CNTNAP2: variants seen among roughly 807,000 people sequenced by gnomAD.
CNTNAP2 encodes contactin associated protein 2.
CNTNAP2 carries 98 observed loss-of-function variants against 155.2 expected under a neutral mutation model. The ratio of observed to expected loss-of-function variants is 0.63; its 90% CI spans 0.54 to 0.75. CNTNAP2 has a LOEUF of 0.75. CNTNAP2 is among the 30% of genes least tolerant of loss of function. CNTNAP2 has a pLI of 0.00. For missense variants in CNTNAP2, 1,727 were observed against 1,688.1 expected (o/e 1.02, Z -0.40); for synonymous variants, 651 against 631.2 (o/e 1.03, Z -0.47).
chr7:147,355,736 A>T (rs1225809227), intron 9 of CNTNAP2, among the ~76,000 whole-genome samples: 1 of 152,164 alleles, frequency 6.6e-6, no homozygotes, highest in African/African-American at 2.4e-5. Context: ...AGACTAAACC[A>T]GGAAGAAGTC....
At chr7:147,730,195 A>G (rs536339836) in intron 13 of CNTNAP2, among the ~76,000 whole-genome samples, 54 of 152,226 alleles carry the variant, frequency 3.5e-4, no homozygotes, top group African/African-American at 1.2e-3. Flanking sequence ...CAAATGTTCC[A>G]AGATCTTGAA....
intron 13 of CNTNAP2, among the ~76,000 whole-genome samples, chr7:147,675,764 T>G (rs1437901172): frequency 1.3e-5 from 2 of 152,026 alleles, no homozygotes; most frequent in Non-Finnish European, 2.9e-5. Context: ...TGGGCATGTA[T>G]TTTAGAGGGA....
intron 12 of CNTNAP2, among the ~76,000 whole-genome samples, chr7:147,614,027 G>A (rs561839070): frequency 6.6e-6 from 1 of 152,140 alleles, no homozygotes; most frequent in South Asian, 2.1e-4. Flanking sequence ...TCTGACAACA[G>A]GTTGCATTTA....
At chr7:148,295,683 G>A (rs780436108) in intron 21 of CNTNAP2, among the ~76,000 whole-genome samples, 5 of 150,980 alleles carry the variant, frequency 3.3e-5, no homozygotes, top group Non-Finnish European at 7.4e-5. Context: ...AGTAGAGACA[G>A]GGTTTCACCG....
At chr7:147,332,731 G>A (rs1372154192) in intron 9 of CNTNAP2, among the ~76,000 whole-genome samples, 1 of 151,970 alleles carries the variant, frequency 6.6e-6, no homozygotes, top group South Asian at 2.1e-4. Flanking sequence ...CTGTGGTAGT[G>A]CACACCTGTA....
At chr7:146,384,603 A>G (rs1361025771) in intron 1 of CNTNAP2, among the ~76,000 whole-genome samples, 1 of 152,170 alleles carries the variant, frequency 6.6e-6, no homozygotes, top group African/African-American at 2.4e-5. Flanking sequence ...TGTCTTTTTG[A>G]ATCAAGTATC....
At chr7:147,232,172 G>A (rs1228214613) in intron 8 of CNTNAP2, among the ~76,000 whole-genome samples, 1 of 152,168 alleles carries the variant, frequency 6.6e-6, no homozygotes, top group Non-Finnish European at 1.5e-5. Context: ...GAAAGAAATT[G>A]AAGAAGGCAC....
intron 13 of CNTNAP2, among the ~76,000 whole-genome samples, chr7:147,695,647 C>T (rs1451590383): frequency 6.6e-6 from 1 of 151,836 alleles, no homozygotes; most frequent in South Asian, 2.1e-4. Flanking sequence ...ACTGAAAATA[C>T]AAAAAATAGC....
intron 1 of CNTNAP2, among the ~76,000 whole-genome samples, chr7:146,466,661 A>T (rs957949844): frequency 6.6e-6 from 1 of 152,204 alleles, no homozygotes; most frequent in African/African-American, 2.4e-5. Context: ...AATTTATAGC[A>T]TAATAAAAGA....
intron 13 of CNTNAP2, among the ~76,000 whole-genome samples, chr7:147,840,503 G>A (rs547541545): frequency 1.1e-4 from 17 of 152,086 alleles, no homozygotes; most frequent in African/African-American, 3.1e-4. Flanking sequence ...AGGGAGATAG[G>A]AGAGAAAGTA....
At chr7:147,818,008 T>C (rs1798302232) in intron 13 of CNTNAP2, among the ~76,000 whole-genome samples, 1 of 152,100 alleles carries the variant, frequency 6.6e-6, no homozygotes, top group South Asian at 2.1e-4. Context: ...GGATTCATTA[T>C]ATCATCTTTT....
At chr7:146,422,336 C>T (rs918669330) in intron 1 of CNTNAP2, among the ~76,000 whole-genome samples, 1 of 145,572 alleles carries the variant, frequency 6.9e-6, no homozygotes, top group East Asian at 2.0e-4. Flanking sequence ...AATATATATA[C>T]ATATATGTAT....
intron 4 of CNTNAP2, among the ~76,000 whole-genome samples, chr7:147,069,434 G>T (rs1021291496): frequency 1.3e-4 from 20 of 152,138 alleles, no homozygotes; most frequent in African/African-American, 4.6e-4. Flanking sequence ...CAGGTCACCT[G>T]TCCCAGAGGC....
At chr7:147,725,640 A>T in intron 13 of CNTNAP2, among the ~76,000 whole-genome samples, 1 of 152,074 alleles carries the variant, frequency 6.6e-6, no homozygotes, top group East Asian at 1.9e-4. Context: ...TCTGGTGTCA[A>T]CTGTGAACGT....
At chr7:147,014,281 T>C (rs1458601305) in intron 3 of CNTNAP2, among the ~76,000 whole-genome samples, 6 of 152,262 alleles carry the variant, frequency 3.9e-5, no homozygotes, top group African/African-American at 1.4e-4. Context: ...TAGGTTTTTT[T>C]CTAATTAAAA....
chr7:147,877,409 A>G (rs530321306), intron 13 of CNTNAP2, among the ~76,000 whole-genome samples: 1 of 152,318 alleles, frequency 6.6e-6, no homozygotes, highest in Admixed American at 6.5e-5. Context: ...TCTCATTAAT[A>G]AAACACCCAC....
intron 8 of CNTNAP2, among the ~76,000 whole-genome samples, chr7:147,225,859 G>A (rs1803521608): frequency 7.1e-6 from 1 of 139,974 alleles, no homozygotes; most frequent in Admixed American, 7.3e-5. Context: ...AGGAAGGAGG[G>A]AAAGAAGGAA....
At chr7:147,480,362 G>T (rs527301435) in intron 10 of CNTNAP2, among the ~76,000 whole-genome samples, 2 of 152,274 alleles carry the variant, frequency 1.3e-5, no homozygotes, top group Admixed American at 6.5e-5. Context: ...TAATGTCCAG[G>T]TGTAAAGTTG....
At chr7:147,551,021 C>A (rs1446681568) in intron 11 of CNTNAP2, among the ~76,000 whole-genome samples, 1 of 152,090 alleles carries the variant, frequency 6.6e-6, no homozygotes, top group Non-Finnish European at 1.5e-5. Context: ...CTTGCATACA[C>A]CAGGCACTGT....
Sources: gnomAD v4.1 joint callset for allele counts (sites outside exome capture counted in the v4.1 genomes callset) on GRCh38, gnomAD v4.1.1 for gene constraint, MANE v1.5 for transcripts, NCBI Gene and HGNC (gene_info 2026-07-23, HGNC 2026-07-21) for gene names.